Variants in EIF2B3 observed in about 807,000 individuals in gnomAD.
EIF2B3 encodes eukaryotic translation initiation factor 2B subunit gamma.
A neutral mutation model predicts 54.1 loss-of-function variants in EIF2B3; 20 were observed. The ratio of observed to expected loss-of-function variants is 0.37; its 90% CI spans 0.26 to 0.54. The LOEUF (loss-of-function observed/expected upper bound fraction) is 0.54. Among genes scored for constraint, EIF2B3 ranks in the 20% least tolerant of loss-of-function variants. EIF2B3 has a pLI of 0.86. For synonymous variants in EIF2B3, 153 were observed against 188.1 expected (o/e 0.81, Z 1.52); for missense variants, 448 against 547.8 (o/e 0.82, Z 1.82).
At position 44,913,652 on chromosome 1, in the gene EIF2B3, G is replaced by A. The variant is rs527975438; in HGVS notation, c.566+12976C>T. Among the ~76,000 whole-genome samples the A allele has an allele frequency of 5.9e-5, 9 of 151,912 alleles. No homozygotes were observed. In the East Asian group the frequency reaches 1.7e-3, roughly 29 times the overall value. On this transcript the variant is annotated intron_variant, in intron 5 of 11. Coordinates refer to ENST00000360403, the MANE Select transcript of EIF2B3 (RefSeq NM_020365.5). ...CCCAAGTAGCTGGGACTACAGGCACGCGTCACCATGCCCAGGTATTTCTTC... is the reference window on the plus strand; with the variant it reads ...CCCAAGTAGCTGGGACTACAGGCACACGTCACCATGCCCAGGTATTTCTTC...
At chr1:44,872,554 G>A (rs1655000039) in intron 10 of EIF2B3, among the ~76,000 whole-genome samples, 1 of 152,076 alleles carries the variant, frequency 6.6e-6, no homozygotes, top group Admixed American at 6.6e-5. Context: ...AGAAGCTGAG[G>A]CAGGAGGACT....
intron 6 of EIF2B3, among the ~76,000 whole-genome samples, chr1:44,889,006 G>A (rs1655700698): frequency 6.6e-6 from 1 of 152,224 alleles, no homozygotes; most frequent in Admixed American, 6.5e-5. Context: ...CAGCAGCTAA[G>A]GCTTTGACTT....
chr1:44,971,975 T>C (rs1644403044), intron 3 of EIF2B3, among the ~76,000 whole-genome samples: 1 of 151,902 alleles, frequency 6.6e-6, no homozygotes, highest in East Asian at 1.9e-4. Context: ...AAGGTTGCAG[T>C]AAGCCGAGAT....
chr1:44,905,887 G>T (rs1285423653), intron 5 of EIF2B3, among the ~76,000 whole-genome samples: 1 of 152,164 alleles, frequency 6.6e-6, no homozygotes, highest in African/African-American at 2.4e-5. Context: ...ACAGGAATTA[G>T]CAAAGCCTTC....
chr1:44,952,638 C>T (rs934038381), intron 3 of EIF2B3, among the ~76,000 whole-genome samples: 10 of 150,972 alleles, frequency 6.6e-5, no homozygotes, highest in African/African-American at 2.0e-4. Context: ...CTGCAAGCTC[C>T]GCCTCCCGGG....
intron 8 of EIF2B3, among the ~76,000 whole-genome samples, chr1:44,877,859 G>T (rs1655251929): frequency 6.6e-6 from 1 of 152,200 alleles, no homozygotes; most frequent in East Asian, 1.9e-4. Flanking sequence ...ACACTGGAAT[G>T]TGAAGGCTAA....
At chr1:44,876,745 G>A (rs946274299) in intron 8 of EIF2B3, among the ~76,000 whole-genome samples, 4 of 143,268 alleles carry the variant, frequency 2.8e-5, no homozygotes, top group African/African-American at 8.0e-5. Flanking sequence ...CGGTTTTGTG[G>A]AATAGAAAGG....
intron 10 of EIF2B3, among the ~76,000 whole-genome samples, chr1:44,859,015 T>C (rs1654526163): frequency 6.6e-6 from 1 of 152,188 alleles, no homozygotes; most frequent in South Asian, 2.1e-4. Flanking sequence ...AGCATTCTCC[T>C]AGGCCACGTG....
At chr1:44,877,212 A>AAAAAAAAAAAAAAAC (rs1557666558) in intron 8 of EIF2B3, among the ~76,000 whole-genome samples, 4 of 148,054 alleles carry the variant, frequency 2.7e-5, no homozygotes, top group Non-Finnish European at 4.5e-5. Flanking sequence ...AAAAAAAAAA[A>AAAAAAAAAAAAAAAC]AAAAAAAAAA....
At chr1:44,898,447 A>G (rs1034775654) in intron 5 of EIF2B3, among the ~76,000 whole-genome samples, 1 of 152,214 alleles carries the variant, frequency 6.6e-6, no homozygotes, top group Non-Finnish European at 1.5e-5. Context: ...CACAGAGTAA[A>G]TGTCCAATAA....
chr1:44,877,192 T>TTAAAAAAAAAA (rs1553169362), intron 8 of EIF2B3, among the ~76,000 whole-genome samples: 13 of 52,080 alleles, frequency 2.5e-4, no homozygotes, highest in African/African-American at 5.3e-4. Flanking sequence ...GAATGATCAA[T>TTAAAAAAAAAA]AAAAAAAAAA....
chr1:44,966,246 T>C (rs1644337770), intron 3 of EIF2B3, among the ~76,000 whole-genome samples: 1 of 151,772 alleles, frequency 6.6e-6, no homozygotes. Context: ...GAGACCATCC[T>C]GGCTAACATG....
In EIF2B3 at chr1:44,950,433, C is replaced by T. The variant is rs143928992; in HGVS notation, c.295-8768G>A. 4.1e-3 allele frequency among the ~76,000 whole-genome samples: 616 copies of T among 151,642 alleles called. 2 individuals are homozygous for T. Among genetic ancestry groups the T allele is most frequent in the African/African-American group, 0.014 (587 of 41,298 alleles). ...TGAGATCGTGTTTCTAAAAAACAAACAAACAAAACAGAAAATTCAAGAAGT... is the reference window on the plus strand; with the variant it reads ...TGAGATCGTGTTTCTAAAAAACAAATAAACAAAACAGAAAATTCAAGAAGT... On this transcript the variant is annotated intron_variant, in intron 3 of 11. Coordinates refer to ENST00000360403, the MANE Select transcript of EIF2B3 (RefSeq NM_020365.5).
chr1:44,954,523 G>A (rs1644201965), intron 3 of EIF2B3, among the ~76,000 whole-genome samples: 1 of 151,972 alleles, frequency 6.6e-6, no homozygotes, highest in South Asian at 2.1e-4. Flanking sequence ...TCATGATTTG[G>A]CTGTTTATTA....
intron 10 of EIF2B3, among the ~76,000 whole-genome samples, chr1:44,863,649 A>AC (rs1654680928): frequency 6.6e-6 from 1 of 152,216 alleles, no homozygotes; most frequent in African/African-American, 2.4e-5. Flanking sequence ...CAACTTGCTA[A>AC]GCATCTTTCT....
At chr1:44,947,433 C>T (rs924571788) in intron 3 of EIF2B3, among the ~76,000 whole-genome samples, 5 of 152,066 alleles carry the variant, frequency 3.3e-5, no homozygotes, top group Non-Finnish European at 7.4e-5. Flanking sequence ...TCGATCAAGC[C>T]AAAACCACTG....
At chr1:44,982,245 T>C (rs1028877627) in intron 1 of EIF2B3, among the ~76,000 whole-genome samples, 2 of 152,208 alleles carry the variant, frequency 1.3e-5, no homozygotes, top group African/African-American at 4.8e-5. Flanking sequence ...GAAAAGAATC[T>C]CTTTACAGAA....
chr1:44,880,452 T>C (rs1655353510), intron 7 of EIF2B3, among the ~76,000 whole-genome samples: 1 of 152,080 alleles, frequency 6.6e-6, no homozygotes, highest in Non-Finnish European at 1.5e-5. Flanking sequence ...AATCATGAAA[T>C]AACACAAGCC....
chr1:44,859,113 G>A (rs1263720744), intron 10 of EIF2B3, among the ~76,000 whole-genome samples: 1 of 151,994 alleles, frequency 6.6e-6, no homozygotes, highest in East Asian at 1.9e-4. Context: ...AGCTTGGGCA[G>A]CATTGTGAGA....
Sources: gnomAD v4.1 joint callset for allele counts (sites outside exome capture counted in the v4.1 genomes callset) on GRCh38, gnomAD v4.1.1 for gene constraint, MANE v1.5 for transcripts, NCBI Gene and HGNC (gene_info 2026-07-23, HGNC 2026-07-21) for gene names.